Variants in GALNTL6 observed in about 807,000 individuals in gnomAD.
The protein encoded by GALNTL6 is polypeptide N-acetylgalactosaminyltransferase like 6.
In GALNTL6, 46 loss-of-function variants were observed where a neutral mutation model predicts 73.7. The observed-to-expected ratio is 0.62, with a 90% CI of 0.49 to 0.80. The LOEUF is 0.80. GALNTL6 is among the 30% of genes least tolerant of loss of function. The probability of loss-of-function intolerance (pLI) is 0.00; values close to 1 mark genes in which losing one functional copy is unlikely to be tolerated. For synonymous variants in GALNTL6, 259 were observed against 263.7 expected, an observed-to-expected ratio of 0.98 and a Z score of 0.17; for missense variants, 604 against 755.0, an observed-to-expected ratio of 0.80 and a Z score of 2.34.
intron 11 of GALNTL6, among the ~76,000 whole-genome samples, chr4:173,010,489 T>G (rs931617860): frequency 1.3e-5 from 2 of 152,210 alleles, no homozygotes; most frequent in African/African-American, 4.8e-5. Context: ...TGCAGGTGTC[T>G]CCTCGATATA....
At position 171,907,550 on chromosome 4, in the gene GALNTL6, G is replaced by A. The variant is rs1185134723; in HGVS notation, c.138+92832G>A. ...CTCATGGGTAGGAAGAATCAATATC[G>A]TGAAAATGGCCATACTGTCCAAGGT... On this transcript the variant is annotated intron_variant, in intron 2 of 12. Coordinates refer to ENST00000506823, the MANE Select transcript of GALNTL6 (RefSeq NM_001034845.3). Among the ~76,000 whole-genome samples the A allele has an allele frequency of 2.0e-4, 31 of 152,032 alleles. 1 individual carries two copies. The highest frequency in any genetic ancestry group is 1.7e-3 in the South Asian group (8 of 4,828).
intron 12 of GALNTL6, among the ~76,000 whole-genome samples, chr4:173,035,488 A>G (rs1182443035): frequency 6.6e-6 from 1 of 152,010 alleles, no homozygotes; most frequent in Admixed American, 6.5e-5. Context: ...TACTACAAAC[A>G]TTTCTTGTTT....
intron 3 of GALNTL6, among the ~76,000 whole-genome samples, chr4:172,282,301 G>T (rs963173483): frequency 6.6e-6 from 1 of 152,144 alleles, no homozygotes; most frequent in Non-Finnish European, 1.5e-5. Flanking sequence ...AGCCATCAGG[G>T]CAAAGCAAAG....
chr4:171,881,851 G>T (rs908719051), intron 2 of GALNTL6, among the ~76,000 whole-genome samples: 4 of 152,068 alleles, frequency 2.6e-5, no homozygotes, highest in African/African-American at 9.7e-5. Context: ...TCTTAATTAA[G>T]GCAAAAATCT....
intron 10 of GALNTL6, among the ~76,000 whole-genome samples, chr4:172,964,615 T>C (rs1750241786): frequency 6.6e-6 from 1 of 152,254 alleles, no homozygotes; most frequent in African/African-American, 2.4e-5. Flanking sequence ...ATTCCAGTTC[T>C]CCTCTTCTGC....
chr4:172,400,803 C>T (rs1357051662), intron 5 of GALNTL6, among the ~76,000 whole-genome samples: 3 of 152,150 alleles, frequency 2.0e-5, no homozygotes, highest in South Asian at 2.1e-4. Context: ...TATTTCCAGA[C>T]GAGCCTCCAC....
intron 2 of GALNTL6, among the ~76,000 whole-genome samples, chr4:172,039,820 A>G (rs1449772009): frequency 1.3e-5 from 2 of 152,170 alleles, no homozygotes; most frequent in Non-Finnish European, 2.9e-5. Flanking sequence ...ACAACTCATT[A>G]TATTAAAATG....
At chr4:172,478,878 A>T (rs989082695) in intron 5 of GALNTL6, among the ~76,000 whole-genome samples, 4 of 152,158 alleles carry the variant, frequency 2.6e-5, no homozygotes, top group Non-Finnish European at 5.9e-5. Context: ...TCTCAAAAGA[A>T]GATGTACAAA....
intron 5 of GALNTL6, among the ~76,000 whole-genome samples, chr4:172,600,695 G>A (rs1254548006): frequency 6.6e-6 from 1 of 152,066 alleles, no homozygotes; most frequent in African/African-American, 2.4e-5. Flanking sequence ...GGAGTGAACA[G>A]ACCTCATTAA....
chr4:172,251,220 C>G (rs6816480), intron 3 of GALNTL6, among the ~76,000 whole-genome samples: 18,935 of 151,924 alleles, frequency 0.12, 1,281 homozygotes, highest in East Asian at 0.3. Context: ...GGCAGAATTC[C>G]TTTTTGCATA....
intron 5 of GALNTL6, among the ~76,000 whole-genome samples, chr4:172,703,736 G>A (rs1008501958): frequency 3.9e-5 from 6 of 152,002 alleles, no homozygotes; most frequent in African/African-American, 1.4e-4. Context: ...TCCCTCCCAC[G>A]TAAATTTTTT....
chr4:172,853,279 A>C (rs1398026979), intron 7 of GALNTL6, among the ~76,000 whole-genome samples: 1 of 152,216 alleles, frequency 6.6e-6, no homozygotes, highest in Non-Finnish European at 1.5e-5. Context: ...GTGAGCACCC[A>C]CACTTCCTTG....
At chr4:172,353,458 A>G (rs545456220) in intron 5 of GALNTL6, among the ~76,000 whole-genome samples, 5 of 152,304 alleles carry the variant, frequency 3.3e-5, no homozygotes, top group Admixed American at 1.3e-4. Flanking sequence ...AAGGACATCG[A>G]CAATATTTTA....
At chr4:171,936,738 A>T (rs972693845) in intron 2 of GALNTL6, among the ~76,000 whole-genome samples, 1 of 152,132 alleles carries the variant, frequency 6.6e-6, no homozygotes, top group African/African-American at 2.4e-5. Context: ...ATAGCAAGAC[A>T]TATATTTAAT....
intron 2 of GALNTL6, among the ~76,000 whole-genome samples, chr4:172,162,357 A>G (rs1200630402): frequency 6.6e-6 from 1 of 151,904 alleles, no homozygotes; most frequent in African/African-American, 2.4e-5. Context: ...TGACAGTAGA[A>G]CTATGGACCT....
At chr4:172,779,778 C>T (rs185231755) in intron 5 of GALNTL6, among the ~76,000 whole-genome samples, 44 of 152,258 alleles carry the variant, frequency 2.9e-4, no homozygotes, top group African/African-American at 9.6e-4. Context: ...TTTCTTAAAG[C>T]TAATTCAAAC....
At chr4:172,395,057 A>T (rs1038507174) in intron 5 of GALNTL6, among the ~76,000 whole-genome samples, 1 of 152,186 alleles carries the variant, frequency 6.6e-6, no homozygotes, top group African/African-American at 2.4e-5. Flanking sequence ...GATACTACAA[A>T]GCACCTGACA....
rs1182946651 is a variant in GALNTL6 at position 172,289,097 on chromosome 4, G to GA, written c.248-22507dup. Among the ~76,000 whole-genome samples, 926 of 148,770 alleles carry GA rather than the reference G, an allele frequency of 6.2e-3. 10 individuals carry two copies. Among genetic ancestry groups the GA allele is most frequent in the African/African-American group, 0.021 (838 of 40,602 alleles). On this transcript the variant is annotated intron_variant, in intron 3 of 12. Coordinates refer to ENST00000506823, the MANE Select transcript of GALNTL6 (RefSeq NM_001034845.3). ...AATATTGCTTTGTGTAACATGCTCT[G>GA]AAAAAAAAAATCCTTCTGTATGTGT...
intron 12 of GALNTL6, among the ~76,000 whole-genome samples, chr4:173,033,385 CA>C (rs56814083): frequency 0.032 from 4,608 of 142,470 alleles, 202 homozygotes; most frequent in African/African-American, 0.11. Context: ...TTCTAGCTGT[CA>C]AAAAAAAAAA....
Sources: gnomAD v4.1 joint callset for allele counts (sites outside exome capture counted in the v4.1 genomes callset) on GRCh38, gnomAD v4.1.1 for gene constraint, MANE v1.5 for transcripts, NCBI Gene and HGNC (gene_info 2026-07-23, HGNC 2026-07-21) for gene names.